Variants in SETD1A observed in about 807,000 individuals in gnomAD.
SETD1A encodes histone-lysine N-methyltransferase SETD1A.
Under a neutral mutation model 149.9 loss-of-function variants are expected in SETD1A, and 29 were observed. The observed-to-expected ratio is 0.19, with a 90% CI of 0.14 to 0.26. The LOEUF is 0.26. Among genes scored for constraint, SETD1A ranks in the 10% least tolerant of loss-of-function variants. The pLI is 1.00. For missense variants in SETD1A, 2,109 were observed against 2,353.1 expected (o/e 0.90, Z 2.15); for synonymous variants, 1,141 against 968.5 (o/e 1.18, Z -3.31).
chr16:30,983,906 C>T lies in SETD1A; in HGVS notation c.5007C>T (p.Tyr1669=), dbSNP rs2056418942. 2 of 1,613,270 alleles carry T rather than the reference C, an allele frequency of 1.2e-6. No individual in the cohort carries two copies. The highest frequency in any genetic ancestry group is 1.1e-5 in the South Asian group (1 of 90,918). ...AGTCCCAGAAGAAGATCGTGATCTA[C>T]TCCAAGCAGCCCATTGGCGTGGACG... The part of the protein sequence containing the change: ...TIESQKKIVI[Y]SKQPIGVDEE... The change falls in exon 19 of 19, where the codon TAC becomes TAT. Residue 1669 remains tyrosine, a synonymous_variant. Transcript: ENST00000262519. This position sits in a 1 kb window ranked among gnomAD's most constrained non-coding sequence, Gnocchi z 6.8.
rs2056057021 is a variant in SETD1A, at chr16:30,961,879, T to C, written c.517+342T>C. On this transcript the variant is annotated intron_variant, in intron 4 of 18. Coordinates refer to ENST00000262519, the MANE Select transcript of SETD1A (RefSeq NM_014712.3). This position sits in a 1 kb window ranked among gnomAD's most constrained non-coding sequence, Gnocchi z 4.0. The stretch of plus-strand genomic sequence containing the variant: ...TTGGTTGGTTTTTGAGACAGGATCC[T>C]GCTCTGTCACCTAGGCTGGAGAGCA... 6.6e-6 allele frequency among the ~76,000 whole-genome samples: 1 copy of C among 150,772 alleles called. No homozygotes were observed. The highest frequency in any genetic ancestry group is 1.9e-4 in the East Asian group (1 of 5,182).
intron 13 of SETD1A, among the ~76,000 whole-genome samples, chr16:30,977,155 AG>A: frequency 6.6e-6 from 1 of 152,342 alleles, no homozygotes; most frequent in South Asian, 2.1e-4. Flanking sequence ...CATGTTGGTC[AG>A]GATGGTCTCG....
chr16:30,964,010 C>A, intron 5 of SETD1A, 84 bp from the exon 6 acceptor site: 6 of 1,064,520 alleles, frequency 5.6e-6, no homozygotes, highest in Non-Finnish European at 8.3e-6. Flanking sequence ...AAAAAGGGAA[C>A]TAGGATTCCT....
rs369793534 is a variant in SETD1A at position 30,965,738 on chromosome 16, G to A, written c.1857G>A (p.Ala619=). The part of the protein sequence containing the change: ...PPPPPPPPYL[A]SLPLGYPPHQ... ...CGCCGCCTCCTCCTCCCTACCTGGC[G>A]TCCCTTCCTCTTGGTTATCCTCCCC... The change falls in exon 8 of 19, where the codon GCG becomes GCA. Residue 619 remains alanine, a synonymous_variant. Transcript: ENST00000262519. The A allele has an allele frequency of 2.0e-5, 32 of 1,563,350 alleles. No individual in the cohort carries two copies. The highest frequency in any genetic ancestry group is 2.3e-5 in the Non-Finnish European group (27 of 1,157,528).
chr16:30,979,296 C>T lies in SETD1A; in HGVS notation c.3510C>T (p.Phe1170=), dbSNP rs758900915. The T allele has an allele frequency of 1.3e-6, 2 of 1,598,858 alleles. No homozygotes were observed. The highest frequency in any genetic ancestry group is 2.3e-5 in the East Asian group (1 of 43,962). ...AGAAACGCCGGAAAACTGTCTCCTTCTCTGCCATCGAGGTGGTGCCAGCCC... is the reference window on the plus strand; with the variant it reads ...AGAAACGCCGGAAAACTGTCTCCTTTTCTGCCATCGAGGTGGTGCCAGCCC... The part of the protein sequence containing the change: ...PPKKRRKTVS[F]SAIEVVPAPE... Residue 1170 remains phenylalanine, a synonymous_variant, in exon 14 of 19, where the codon TTC becomes TTT. Transcript: ENST00000262519.
At chr16:30,966,429 G>A in intron 8 of SETD1A, 43 bp downstream of exon 8, 1 of 1,551,902 alleles carries the variant, frequency 6.4e-7, no homozygotes, top group South Asian at 1.2e-5. Flanking sequence ...GGCTTTGCAG[G>A]AGGAAATGGG....
At chr16:30,966,530 G>T in intron 8 of SETD1A, 144 bp downstream of exon 8, 1 of 1,321,488 alleles carries the variant, frequency 7.6e-7, no homozygotes, top group Non-Finnish European at 1.0e-6. Context: ...CACCCTGGGT[G>T]GGCAGGGGAG....
At position 30,983,576 on chromosome 16, in the gene SETD1A, C is replaced by T. The variant is rs535693615; in HGVS notation, c.4813-59C>T. ...TGGACCTGGGGTGCTGGCTGGCAGGCGTGCTCAGGGGCAGGAAGTGGGGGA... is the reference window on the plus strand; with the variant it reads ...TGGACCTGGGGTGCTGGCTGGCAGGTGTGCTCAGGGGCAGGAAGTGGGGGA... On this transcript the variant is annotated intron_variant, in intron 17 of 18. Coordinates refer to ENST00000262519, the MANE Select transcript of SETD1A (RefSeq NM_014712.3). This position sits in a 1 kb window ranked among gnomAD's most constrained non-coding sequence, Gnocchi z 6.8. 1.4e-5 allele frequency: 22 copies of T among 1,570,528 alleles called. No homozygotes were observed. The Admixed American group carries it at 2.1e-4, about 15-fold the overall frequency.
rs553780103 is a variant in SETD1A at position 30,982,476 on chromosome 16, G to T, written c.4813-1159G>T. On this transcript the variant is annotated intron_variant, in intron 17 of 18. Coordinates refer to ENST00000262519, the MANE Select transcript of SETD1A (RefSeq NM_014712.3). The stretch of plus-strand genomic sequence containing the variant: ...AGATCGCGCCATTGCACTCCAGCCT[G>T]GGCGACAGAGCAAGACTCCGTCTCA... Among the ~76,000 whole-genome samples, 69 of 151,690 alleles carry T rather than the reference G, an allele frequency of 4.5e-4. 1 individual carries two copies. The highest frequency in any genetic ancestry group is 1.6e-3 in the African/African-American group (67 of 41,334).
chr16:30,968,815 T>C (rs1275250251), intron 10 of SETD1A, among the ~76,000 whole-genome samples: 6 of 148,420 alleles, frequency 4.0e-5, no homozygotes, highest in African/African-American at 1.5e-4. Flanking sequence ...AAAAAATATA[T>C]ATATATATGC....
chr16:30,963,593 G>A (rs2056085557), intron 5 of SETD1A, 39 bp downstream of exon 5: 2 of 1,592,058 alleles, frequency 1.3e-6, no homozygotes, highest in Non-Finnish European at 8.5e-7. Flanking sequence ...TAGCCATGTG[G>A]GCATGGTGTC....
In SETD1A at chr16:30,980,380, C is replaced by T. The variant is rs992457740; in HGVS notation, c.4409-105C>T. On this transcript the variant is annotated intron_variant, in intron 14 of 18. Coordinates refer to ENST00000262519, the MANE Select transcript of SETD1A (RefSeq NM_014712.3). The surrounding 1 kb of genome is among the most constrained non-coding windows in gnomAD (Gnocchi z 7.7). ...GAACGATGGGGCTGGGGCTTCCTCC[C>T]CTGTCCCTCACCTGGGTATGCTCAG... 13 of 1,477,258 alleles carry T rather than the reference C, an allele frequency of 8.8e-6. No individual in the cohort carries two copies. Among genetic ancestry groups the T allele is most frequent in the African/African-American group, 1.4e-5 (1 of 71,072 alleles). 91.5% of individuals were successfully genotyped at this position (1,477,258 alleles called of 1,614,324 possible). A position where few individuals can be genotyped will look rare whatever the true frequency, so the allele number is the denominator to read the frequency against.
intron 13 of SETD1A, among the ~76,000 whole-genome samples, chr16:30,976,733 G>T (rs1339579474): frequency 6.6e-6 from 1 of 152,088 alleles, no homozygotes; most frequent in Non-Finnish European, 1.5e-5. Flanking sequence ...GGGAGCTGAG[G>T]GTGATTGAAG....
Position 30,964,000 on chromosome 16 carries a change from A to T in SETD1A, c.640-94A>T, listed in dbSNP as rs572823873. 24 of 1,059,894 alleles carry T rather than the reference A, an allele frequency of 2.3e-5. No individual in the cohort carries two copies. In the East Asian group the frequency reaches 5.0e-4, roughly 22 times the overall value. The allele number at this position is 1,059,894 out of a possible 1,614,324, so 65.7% of individuals were successfully genotyped here. Reference sequence around the variant, plus strand: ...GAGCGAGACTCCGTCTCAAAAAAAAAAAAAGGGAACTAGGATTCCTGGTTT... The same window carrying T: ...GAGCGAGACTCCGTCTCAAAAAAAATAAAAGGGAACTAGGATTCCTGGTTT... On this transcript the variant is annotated intron_variant, in intron 5 of 18. Transcript: ENST00000262519.
In SETD1A at chr16:30,968,479, C is replaced by CAT. The variant is rs532011282; in HGVS notation, c.2771-816_2771-815dup. ...ATACACACAAATATATACACACACA[C>CAT]ATATATATATACACACACATATGCG... On this transcript the variant is annotated intron_variant, in intron 10 of 18. Coordinates refer to ENST00000262519, the MANE Select transcript of SETD1A (RefSeq NM_014712.3). Among the ~76,000 whole-genome samples, 88 of 150,506 alleles carry CAT rather than the reference C, an allele frequency of 5.8e-4. 2 individuals are homozygous for CAT. Among genetic ancestry groups the CAT allele is most frequent in the Admixed American group, 4.2e-3 (63 of 15,068 alleles).
Position 30,959,071 on chromosome 16 carries a change from G to A in SETD1A, c.151-20G>A, listed in dbSNP as rs1251772647. On this transcript the variant is annotated intron_variant, in intron 2 of 18. Coordinates refer to ENST00000262519, the MANE Select transcript of SETD1A (RefSeq NM_014712.3). The stretch of plus-strand genomic sequence containing the variant: ...TGGATTCACCCTGAGCTCTCTTTCT[G>A]CTGCTGCTTTCCTTCCTAGGACTCA... 6.3e-7 allele frequency: 1 copy of A among 1,579,106 alleles called. No individual in the cohort carries two copies. The highest frequency in any genetic ancestry group is 2.2e-5 in the East Asian group (1 of 44,706).
intron 6 of SETD1A, 35 bp from the exon 7 acceptor site, chr16:30,964,577 G>T: frequency 6.3e-7 from 1 of 1,594,732 alleles, no homozygotes; most frequent in South Asian, 1.1e-5. Context: ...GTCATAGAGA[G>T]CTGAGTCCAG....
In SETD1A at chr16:30,960,273, A is replaced by G. The variant is rs890536333; in HGVS notation, c.247-994A>G. Among the ~76,000 whole-genome samples, 4 of 152,136 alleles carry G rather than the reference A, an allele frequency of 2.6e-5. No homozygotes were observed. In the East Asian group the frequency reaches 5.8e-4, roughly 22 times the overall value. ...TCCATGTTTTGGGACACTGACATGT[A>G]TGGTTATTGACCTGGCCAAGCCTTA... On this transcript the variant is annotated intron_variant, in intron 3 of 18. Transcript: ENST00000262519.
Position 30,964,927 on chromosome 16 carries a change from C to T in SETD1A, c.1185C>T (p.Ala395=). Residue 395 remains alanine (A), a synonymous_variant, in exon 7 of 19, where the codon GCC becomes GCT. Coordinates refer to ENST00000262519, the MANE Select transcript of SETD1A (RefSeq NM_014712.3). ...CCACACGGGAGGAACCCCCTGGAGCCCCTTTTGCTGAAAATACAGCTGAGC... is the reference window on the plus strand; with the variant it reads ...CCACACGGGAGGAACCCCCTGGAGCTCCTTTTGCTGAAAATACAGCTGAGC... ...RRATREEPPG[A]PFAENTAERF... is the part of the protein sequence containing the mutation. 6.2e-7 allele frequency: 1 copy of T among 1,614,074 alleles called. No individual in the cohort carries two copies. The highest frequency in any genetic ancestry group is 8.5e-7 in the Non-Finnish European group (1 of 1,179,910).
Sources: gnomAD v4.1 joint callset for allele counts (sites outside exome capture counted in the v4.1 genomes callset) on GRCh38, gnomAD v4.1.1 for gene constraint, Gnocchi (gnomAD v3.1) non-coding constraint, MANE v1.5 for transcripts, NCBI Gene and HGNC (gene_info 2026-07-23, HGNC 2026-07-21) for gene names.